RABGAP1L: variants seen among roughly 807,000 people sequenced by gnomAD.
RABGAP1L encodes the protein RAB GTPase activating protein 1 like.
In RABGAP1L, 63 loss-of-function variants were observed where a neutral mutation model predicts 137.7. The observed-to-expected ratio is 0.46, with a 90% CI of 0.37 to 0.56. The LOEUF (loss-of-function observed/expected upper bound fraction) is 0.56. RABGAP1L is among the 20% of genes least tolerant of loss of function. The pLI, the probability that RABGAP1L is intolerant of heterozygous loss-of-function variation, is 0.00. For missense variants in RABGAP1L, 1,095 were observed against 1,244.0 expected (o/e 0.88, Z 1.80); for synonymous variants, 431 against 433.7 (o/e 0.99, Z 0.08).
chr1:174,810,425 G>T (rs1689756036), intron 18 of RABGAP1L, among the ~76,000 whole-genome samples: 1 of 152,196 alleles, frequency 6.6e-6, no homozygotes, highest in African/African-American at 2.4e-5. Context: ...TACATGTCTT[G>T]CTAGTCATGA....
intron 13 of RABGAP1L, among the ~76,000 whole-genome samples, chr1:174,522,459 C>T (rs1405442831): frequency 6.6e-6 from 1 of 151,312 alleles, no homozygotes; most frequent in Non-Finnish European, 1.5e-5. Flanking sequence ...GTCCCAGATA[C>T]TCAGGAAAGC....
chr1:174,440,505 C>T (rs1162085804), intron 13 of RABGAP1L, among the ~76,000 whole-genome samples: 6 of 152,104 alleles, frequency 3.9e-5, no homozygotes, highest in East Asian at 1.9e-4. Flanking sequence ...ATTCTGAATG[C>T]GTAAGCCTTT....
chr1:174,555,428 T>C (rs1260289160), intron 13 of RABGAP1L, among the ~76,000 whole-genome samples: 1 of 152,220 alleles, frequency 6.6e-6, no homozygotes, highest in Non-Finnish European at 1.5e-5. Context: ...ATCAAAAATT[T>C]ATTGATCACC....
chr1:174,935,780 G>A (rs886326503), intron 19 of RABGAP1L, among the ~76,000 whole-genome samples: 1 of 151,980 alleles, frequency 6.6e-6, no homozygotes, highest in African/African-American at 2.4e-5. Flanking sequence ...TCAGGAGTTC[G>A]AGATCAGCCT....
chr1:174,597,291 G>C (rs1670022043), intron 13 of RABGAP1L, among the ~76,000 whole-genome samples: 1 of 152,122 alleles, frequency 6.6e-6, no homozygotes, highest in Non-Finnish European at 1.5e-5. Context: ...GAATAGGATT[G>C]ATATTAGTTC....
At chr1:174,252,852 C>A (rs115565282) in intron 7 of RABGAP1L, among the ~76,000 whole-genome samples, 1 of 151,970 alleles carries the variant, frequency 6.6e-6, no homozygotes, top group Non-Finnish European at 1.5e-5. Flanking sequence ...TTTTCTTGTT[C>A]CTTATTTACA....
intron 13 of RABGAP1L, among the ~76,000 whole-genome samples, chr1:174,609,053 C>T (rs1174296888): frequency 2.6e-5 from 4 of 152,126 alleles, no homozygotes. Context: ...CTACTTAACA[C>T]TTATGCCTAA....
chr1:174,937,232 GCCTCCCAA>G (rs1664982433), intron 19 of RABGAP1L, among the ~76,000 whole-genome samples: 1 of 151,562 alleles, frequency 6.6e-6, no homozygotes, highest in Non-Finnish European at 1.5e-5. Flanking sequence ...ACCCGCTTCG[GCCTCCCAA>G]AGTGCTGGGA....
intron 19 of RABGAP1L, among the ~76,000 whole-genome samples, chr1:174,951,208 T>C (rs530104328): frequency 6.6e-6 from 1 of 152,214 alleles, no homozygotes; most frequent in Non-Finnish European, 1.5e-5. Flanking sequence ...AGACACATAT[T>C]TGGCACTACG....
At chr1:174,742,442 A>G (rs938718137) in intron 17 of RABGAP1L, among the ~76,000 whole-genome samples, 4 of 152,252 alleles carry the variant, frequency 2.6e-5, no homozygotes, top group Admixed American at 2.6e-4. Flanking sequence ...GCTTAAGCCC[A>G]GGAGGCGGAG....
At chr1:174,370,432 C>T (rs1558174103) in intron 11 of RABGAP1L, among the ~76,000 whole-genome samples, 2 of 142,876 alleles carry the variant, frequency 1.4e-5, no homozygotes, top group South Asian at 2.2e-4. Context: ...TATAAAAAGG[C>T]CAGTTTCAAT....
intron 19 of RABGAP1L, among the ~76,000 whole-genome samples, chr1:174,833,398 GTGTA>G (rs763679472): frequency 6.0e-4 from 23 of 38,176 alleles, no homozygotes; most frequent in African/African-American, 1.0e-3. Context: ...GTGTGTGTGT[GTGTA>G]TGTGTGTATG....
Position 174,557,095 on chromosome 1 carries a change from C to T in RABGAP1L, c.1711-80280C>T, listed in dbSNP as rs572123217. The stretch of plus-strand genomic sequence containing the variant: ...AATTTCTGTGGCTGGAAAGGTCAGC[C>T]CGACTGGCTTGTGCAGCAACCTTTG... On this transcript the variant is annotated intron_variant, in intron 13 of 25. Transcript: ENST00000681986. Among the ~76,000 whole-genome samples, 6 of 152,304 alleles carry T rather than the reference C, an allele frequency of 3.9e-5. No individual in the cohort carries two copies. The East Asian group carries it at 1.2e-3, about 29-fold the overall frequency.
intron 11 of RABGAP1L, among the ~76,000 whole-genome samples, chr1:174,342,742 T>G (rs989360326): frequency 5.6e-4 from 81 of 145,748 alleles, no homozygotes; most frequent in African/African-American, 1.8e-3. Flanking sequence ...TCAGAAGAAT[T>G]TTTTTTTTTT....
intron 11 of RABGAP1L, among the ~76,000 whole-genome samples, chr1:174,322,722 T>G (rs1489553022): frequency 1.3e-5 from 2 of 152,152 alleles, no homozygotes; most frequent in African/African-American, 4.8e-5. Context: ...TATAGAAGAC[T>G]TCCAAGAACA....
At chr1:174,228,096 T>A (rs563645957) in intron 3 of RABGAP1L, among the ~76,000 whole-genome samples, 2 of 152,196 alleles carry the variant, frequency 1.3e-5, no homozygotes, top group African/African-American at 4.8e-5. Context: ...CTTTTTTATG[T>A]CTTTCATTTT....
chr1:174,443,207 G>T (rs1350748981), intron 13 of RABGAP1L, among the ~76,000 whole-genome samples: 1 of 151,928 alleles, frequency 6.6e-6, no homozygotes, highest in African/African-American at 2.4e-5. Flanking sequence ...GTTTGATATT[G>T]CTGATTTCCT....
chr1:174,355,948 G>T (rs1683595696), intron 11 of RABGAP1L, among the ~76,000 whole-genome samples: 1 of 152,132 alleles, frequency 6.6e-6, no homozygotes, highest in Non-Finnish European at 1.5e-5. Flanking sequence ...GATGATTTGT[G>T]TTAGCTTTAA....
At chr1:174,794,714 A>G (rs560439259) in intron 18 of RABGAP1L, among the ~76,000 whole-genome samples, 26 of 152,296 alleles carry the variant, frequency 1.7e-4, no homozygotes, top group African/African-American at 5.8e-4. Flanking sequence ...GTCTGCATCT[A>G]CTGTGGACAA....
Sources: gnomAD v4.1 joint callset for allele counts (sites outside exome capture counted in the v4.1 genomes callset) on GRCh38, gnomAD v4.1.1 for gene constraint, MANE v1.5 for transcripts, NCBI Gene and HGNC (gene_info 2026-07-23, HGNC 2026-07-21) for gene names.